The following CABP1 variants were observed in gnomAD, a reference collection of about 807,000 sequenced individuals.
The protein encoded by CABP1 is calcium binding protein 1.
CABP1 carries 17 observed loss-of-function variants against 34.3 expected under a neutral mutation model. The ratio of observed to expected loss-of-function variants is 0.50; its 90% CI spans 0.34 to 0.74. The LOEUF (loss-of-function observed/expected upper bound fraction) is 0.74, where lower values mean the gene tolerates loss of function less well. CABP1 is among the 30% of genes least tolerant of loss of function. CABP1 has a pLI of 0.01. For synonymous variants in CABP1, 198 were observed against 229.2 expected (o/e 0.86, Z 1.23); for missense variants, 373 against 511.1 (o/e 0.73, Z 2.61).
At position 120,660,760 on chromosome 12, in the gene CABP1, G is replaced by T. The variant is rs759463784; in HGVS notation, c.859G>T (p.Val287Leu). ...TGGCCATGTAGATTTTGATGACTTC[G>T]TGGAGCTAATGGGGCCTAAACTCCT... ...LGGHVDFDDF[V>L]ELMGPKLLAE... Residue 287 changes from valine (V) to leucine (L), a missense_variant, in exon 4 of 6, where the codon GTG (valine) becomes TTG (leucine). Transcript: ENST00000316803. This position sits in a 1 kb window ranked among gnomAD's most constrained non-coding sequence, Gnocchi z 5.0. The T allele has an allele frequency of 1.9e-6, 3 of 1,613,828 alleles. No individual in the cohort carries two copies. Among genetic ancestry groups the T allele is most frequent in the Non-Finnish European group, 2.5e-6 (3 of 1,179,756 alleles).
rs148535607 is a variant in CABP1 at position 120,661,311 on chromosome 12, G to A, written c.1087+93G>A. 4.6e-5 allele frequency: 68 copies of A among 1,464,896 alleles called. No homozygotes were observed. In the South Asian group the frequency reaches 5.0e-4, roughly 11 times the overall value. 90.7% of individuals were successfully genotyped at this position (1,464,896 alleles called of 1,614,324 possible). ...GTATCCATCATGCAACCATCAATCC[G>A]CCCTAATTTTCCAACCCCCAGCCCT... On this transcript the variant is annotated intron_variant, in intron 5 of 5. Transcript: ENST00000316803. This position sits in a 1 kb window ranked among gnomAD's most constrained non-coding sequence, Gnocchi z 5.1.
chr12:120,675,484 T>C, the CABP1 span, among the ~76,000 whole-genome samples: 1 of 152,250 alleles, frequency 6.6e-6, no homozygotes, highest in South Asian at 2.1e-4. Flanking sequence ...CCTGGAGTGC[T>C]TTTCCTTGTA....
chr12:120,656,299 G>T, intron 1 of CABP1: 1 of 1,511,340 alleles, frequency 6.6e-7, no homozygotes, highest in Non-Finnish European at 8.9e-7. Context: ...AGTGGAGCCC[G>T]CTGAACTTGG....
At chr12:120,657,727 G>A (rs1256361652) in intron 1 of CABP1, among the ~76,000 whole-genome samples, 5 of 152,208 alleles carry the variant, frequency 3.3e-5, no homozygotes, top group African/African-American at 1.2e-4. Context: ...GGCACACTCC[G>A]TGAAGGGGCA....
intron 1 of CABP1, among the ~76,000 whole-genome samples, chr12:120,643,217 A>G (rs976797976): frequency 1.3e-5 from 1 of 78,832 alleles, no homozygotes; most frequent in African/African-American, 7.3e-5. Context: ...CTCCCTGTGG[A>G]AGCTCTTGCC....
chr12:120,660,012 A>G lies in CABP1; in HGVS notation c.685+104A>G. 3 of 1,315,472 alleles carry G rather than the reference A, an allele frequency of 2.3e-6. No homozygotes were observed. The highest frequency in any genetic ancestry group is 2.1e-6 in the Non-Finnish European group (2 of 930,778). The allele number at this position is 1,315,472 out of a possible 1,614,324, so 81.5% of individuals were successfully genotyped here. A position where few individuals can be genotyped will look rare whatever the true frequency, so the allele number is the denominator to read the frequency against. On this transcript the variant is annotated intron_variant, in intron 2 of 5. Coordinates refer to ENST00000316803, the MANE Select transcript of CABP1 (RefSeq NM_001033677.2). This position sits in a 1 kb window ranked among gnomAD's most constrained non-coding sequence, Gnocchi z 5.0. ...GCCCCTGGAAATGGGGCCTGGTGCAACGCGGGGTATCTTCTGTGAAACCAG... is the reference window on the plus strand; with the variant it reads ...GCCCCTGGAAATGGGGCCTGGTGCAGCGCGGGGTATCTTCTGTGAAACCAG...
At chr12:120,672,285 G>A (rs1327576087), downstream of CABP1, among the ~76,000 whole-genome samples, 9 of 151,984 alleles carry the variant, frequency 5.9e-5, no homozygotes. Context: ...CTCCAAACTG[G>A]GAAAAACAAT....
rs1008545258 is a variant in CABP1, at chr12:120,640,763, C to A, written c.78C>A (p.Ser26=). The part of the protein sequence containing the change: ...ARLQRVLGLG[S]RREPRSLPAG... ...TCCAGCGCGTCCTCGGGCTTGGCTCCCGCCGGGAGCCCCGTTCTCTGCCCG... is the reference window on the plus strand; with the variant it reads ...TCCAGCGCGTCCTCGGGCTTGGCTCACGCCGGGAGCCCCGTTCTCTGCCCG... Residue 26 remains serine (S), a synonymous_variant, in exon 1 of 6, where the codon TCC becomes TCA. Transcript: ENST00000316803. This position sits in a 1 kb window ranked among gnomAD's most constrained non-coding sequence, Gnocchi z 6.2. 6.9e-6 allele frequency: 8 copies of A among 1,159,766 alleles called. No individual in the cohort carries two copies. The African/African-American group carries it at 1.3e-4, about 19-fold the overall frequency. 71.8% of individuals were successfully genotyped at this position (1,159,766 alleles called of 1,614,324 possible).
rs1222224217 is a variant in CABP1 at position 120,666,221 on chromosome 12, AGG to A, written c.1088-653_1088-652del. ...TCTACATTAAAAAAAAAAAAAAAAA[AGG>A]AAGAAGAAGAAGGGAGGGGGTACAG... On this transcript the variant is annotated intron_variant, in intron 5 of 5. Coordinates refer to ENST00000316803, the MANE Select transcript of CABP1 (RefSeq NM_001033677.2). Among the ~76,000 whole-genome samples, 33 of 147,306 alleles carry A rather than the reference AGG, an allele frequency of 2.2e-4. 1 individual carries two copies. Among genetic ancestry groups the A allele is most frequent in the African/African-American group, 7.7e-4 (31 of 40,050 alleles).
chr12:120,650,407 A>C, intron 1 of CABP1: 1 of 1,230,944 alleles, frequency 8.1e-7, no homozygotes, highest in South Asian at 1.6e-5. Context: ...AGTTAAACCC[A>C]CACACAAACA....
the CABP1 span, among the ~76,000 whole-genome samples, chr12:120,674,532 T>G: frequency 1.3e-5 from 2 of 152,192 alleles, no homozygotes; most frequent in Non-Finnish European, 2.9e-5. Flanking sequence ...AATGGTTGTC[T>G]TTCCTACAGA....
intron 1 of CABP1, among the ~76,000 whole-genome samples, chr12:120,650,844 C>A (rs1348544111): frequency 1.3e-5 from 2 of 152,100 alleles, no homozygotes; most frequent in Admixed American, 6.6e-5. Flanking sequence ...CCTCCTATTG[C>A]CGTTTTCTGT....
At chr12:120,655,818 AGTGC>A (rs201880849) in intron 1 of CABP1, 117,821 of 1,492,148 alleles carry the variant, frequency 0.079, 1,277 homozygotes, top group Middle Eastern at 0.13. Flanking sequence ...TGTATGTGCC[AGTGC>A]GTGCGTGCGT....
At chr12:120,653,680 C>A (rs1879989505) in intron 1 of CABP1, among the ~76,000 whole-genome samples, 1 of 152,102 alleles carries the variant, frequency 6.6e-6, no homozygotes. Context: ...ATTATGGGTG[C>A]CCGCCACCAC....
chr12:120,656,279 A>G (rs1317835042), intron 1 of CABP1: 1 of 1,536,284 alleles, frequency 6.5e-7, no homozygotes, highest in Non-Finnish European at 8.8e-7. Context: ...GCCTGTACGT[A>G]AGTTGGCCCA....
At chr12:120,667,780 G>A (rs1881097197), downstream of CABP1, among the ~76,000 whole-genome samples, 1 of 152,188 alleles carries the variant, frequency 6.6e-6, no homozygotes, top group Non-Finnish European at 1.5e-5. Flanking sequence ...GAGTCTCCAT[G>A]CCTGGCCAAC....
chr12:120,654,256 T>G (rs777435489), intron 1 of CABP1, among the ~76,000 whole-genome samples: 1 of 152,194 alleles, frequency 6.6e-6, no homozygotes, highest in Non-Finnish European at 1.5e-5. Context: ...CCTGAGTAGC[T>G]GCTTCCTCTT....
intron 1 of CABP1, among the ~76,000 whole-genome samples, chr12:120,657,890 T>C (rs936390405): frequency 6.6e-6 from 1 of 152,166 alleles, no homozygotes; most frequent in East Asian, 1.9e-4. Context: ...AAAGGATTTA[T>C]TGGGTCTCAG....
At chr12:120,666,711 T>C (rs1654866865) in intron 5 of CABP1, among the ~76,000 whole-genome samples, 164 bp from the exon 6 acceptor site, 1 of 152,120 alleles carries the variant, frequency 6.6e-6, no homozygotes, top group African/African-American at 2.4e-5. Flanking sequence ...ATCCGCAGAT[T>C]AGAACACTCT....
Sources: allele counts gnomAD v4.1 joint callset (sites outside exome capture counted in the v4.1 genomes callset), GRCh38; gene constraint gnomAD v4.1.1; non-coding constraint Gnocchi (gnomAD v3.1); transcripts MANE v1.5; gene names NCBI Gene and HGNC (gene_info 2026-07-23, HGNC 2026-07-21).